SLC44A5: variants seen among roughly 807,000 people sequenced by gnomAD.
SLC44A5 encodes solute carrier family 44 member 5, also known as choline transporter-like protein 5.
SLC44A5 carries 57 observed loss-of-function variants against 101.8 expected under a neutral mutation model. That is an observed-to-expected ratio of 0.56 (90% CI 0.45 to 0.70). The LOEUF (loss-of-function observed/expected upper bound fraction) is 0.70, where lower values mean the gene tolerates loss of function less well. Among genes scored for constraint, SLC44A5 ranks in the 30% least tolerant of loss-of-function variants. The probability of loss-of-function intolerance (pLI) is 0.00; values close to 1 mark genes in which losing one functional copy is unlikely to be tolerated. For synonymous variants in SLC44A5, 281 were observed against 290.9 expected, an observed-to-expected ratio of 0.97 and a Z score of 0.35; for missense variants, 737 against 853.1, an observed-to-expected ratio of 0.86 and a Z score of 1.70.
At chr1:75,474,934 G>A (rs1469678615) in intron 2 of SLC44A5, among the ~76,000 whole-genome samples, 1 of 152,174 alleles carries the variant, frequency 6.6e-6, no homozygotes, top group Non-Finnish European at 1.5e-5. Context: ...TACTAAAATG[G>A]CCCTACTAAG....
At chr1:75,469,094 C>A (rs1164732276) in intron 2 of SLC44A5, among the ~76,000 whole-genome samples, 1 of 152,168 alleles carries the variant, frequency 6.6e-6, no homozygotes, top group Non-Finnish European at 1.5e-5. Context: ...ATGCCTTTTA[C>A]TCAACCCAAT....
At chr1:75,435,166 C>T (rs1664816236) in intron 2 of SLC44A5, among the ~76,000 whole-genome samples, 2 of 152,098 alleles carry the variant, frequency 1.3e-5, no homozygotes, top group Non-Finnish European at 2.9e-5. Context: ...CATATTTGGT[C>T]CAAAATACTT....
intron 2 of SLC44A5, among the ~76,000 whole-genome samples, chr1:75,525,727 G>A (rs1670371506): frequency 1.3e-5 from 2 of 152,066 alleles, no homozygotes. Context: ...GGTATAATAT[G>A]AATATAAAAT....
intron 5 of SLC44A5, among the ~76,000 whole-genome samples, chr1:75,282,477 G>A (rs1652683196): frequency 6.6e-6 from 1 of 152,136 alleles, no homozygotes; most frequent in African/African-American, 2.4e-5. Context: ...TGTTGGGAAG[G>A]CATAATTGTG....
intron 2 of SLC44A5, among the ~76,000 whole-genome samples, chr1:75,397,989 A>G (rs1662232027): frequency 6.6e-6 from 1 of 152,178 alleles, no homozygotes; most frequent in Non-Finnish European, 1.5e-5. Context: ...AAAAAGCTAA[A>G]TGAAGTGCCC....
At chr1:75,254,558 A>G (rs1367543549) in intron 6 of SLC44A5, among the ~76,000 whole-genome samples, 1 of 152,176 alleles carries the variant, frequency 6.6e-6, no homozygotes, top group Non-Finnish European at 1.5e-5. Context: ...TAATAAAAGT[A>G]CCAATAAATG....
At chr1:75,423,513 G>A (rs1463027218) in intron 2 of SLC44A5, among the ~76,000 whole-genome samples, 1 of 152,096 alleles carries the variant, frequency 6.6e-6, no homozygotes, top group African/African-American at 2.4e-5. Flanking sequence ...TTCCTAACTA[G>A]AGTCTATGAT....
chr1:75,225,916 G>T (rs1647184595), intron 13 of SLC44A5, among the ~76,000 whole-genome samples: 1 of 152,086 alleles, frequency 6.6e-6, no homozygotes, highest in African/African-American at 2.4e-5. Context: ...GACAGCCGGG[G>T]GTGGGCACAG....
At chr1:75,560,365 G>A (rs745399498) in intron 1 of SLC44A5, among the ~76,000 whole-genome samples, 2 of 152,094 alleles carry the variant, frequency 1.3e-5, no homozygotes, top group Admixed American at 6.6e-5. Flanking sequence ...TCTGAATAAA[G>A]TATCCAAAAT....
intron 1 of SLC44A5, among the ~76,000 whole-genome samples, chr1:75,568,335 C>G (rs976209466): frequency 6.6e-6 from 1 of 152,106 alleles, no homozygotes; most frequent in Admixed American, 6.5e-5. Context: ...AAACCCAACA[C>G]ATAACCTCCA....
At chr1:75,684,470 C>A in the SLC44A5 span, among the ~76,000 whole-genome samples, 1 of 152,174 alleles carries the variant, frequency 6.6e-6, no homozygotes, top group East Asian at 1.9e-4. Flanking sequence ...GAAATCAAAG[C>A]AAGTTAGTTA....
rs1669591565 is a variant in SLC44A5 at position 75,511,969 on chromosome 1, C to G, written c.13+29466G>C. Among the ~76,000 whole-genome samples the G allele has an allele frequency of 1.3e-5, 2 of 152,052 alleles. 1 individual carries two copies. The highest frequency in any genetic ancestry group is 4.8e-5 in the African/African-American group (2 of 41,390). On this transcript the variant is annotated intron_variant, in intron 2 of 23. Coordinates refer to ENST00000370859, the MANE Select transcript of SLC44A5 (RefSeq NM_001130058.2). ...AGAAGGGCTTACTGACTGCAGAAGGCCACGAAAAGTTATGTGGAGGGCTGT... is the reference window on the plus strand; with the variant it reads ...AGAAGGGCTTACTGACTGCAGAAGGGCACGAAAAGTTATGTGGAGGGCTGT...
At chr1:75,557,344 C>T (rs1309482751) in intron 1 of SLC44A5, among the ~76,000 whole-genome samples, 2 of 152,072 alleles carry the variant, frequency 1.3e-5, no homozygotes, top group East Asian at 1.9e-4. Flanking sequence ...TTTAGAGTAG[C>T]ATTATTTTCT....
At chr1:75,421,207 C>T (rs1169518327) in intron 2 of SLC44A5, among the ~76,000 whole-genome samples, 2 of 151,750 alleles carry the variant, frequency 1.3e-5, no homozygotes, top group South Asian at 2.1e-4. Context: ...AAAAATATAC[C>T]TAAAATCATG....
At chr1:75,482,722 G>A in intron 2 of SLC44A5, among the ~76,000 whole-genome samples, 1 of 152,178 alleles carries the variant, frequency 6.6e-6, no homozygotes, top group East Asian at 1.9e-4. Flanking sequence ...TATAGCAGAT[G>A]AAATGGAAGA....
At chr1:75,633,033 G>A in the SLC44A5 span, among the ~76,000 whole-genome samples, 1 of 152,102 alleles carries the variant, frequency 6.6e-6, no homozygotes, top group African/African-American at 2.4e-5. Context: ...AACTGGAAAA[G>A]CTATACACAC....
At chr1:75,441,035 C>T (rs1665167429) in intron 2 of SLC44A5, among the ~76,000 whole-genome samples, 1 of 151,828 alleles carries the variant, frequency 6.6e-6, no homozygotes, top group Non-Finnish European at 1.5e-5. Context: ...TGCAAAATAG[C>T]ATACATAACA....
chr1:75,375,198 A>C (rs1660497644), intron 3 of SLC44A5, among the ~76,000 whole-genome samples: 1 of 152,230 alleles, frequency 6.6e-6, no homozygotes, highest in African/African-American at 2.4e-5. Context: ...TCACTATAGA[A>C]ATTTCAAAAT....
intron 2 of SLC44A5, among the ~76,000 whole-genome samples, chr1:75,461,737 T>C (rs1666510202): frequency 6.6e-6 from 1 of 152,178 alleles, no homozygotes; most frequent in Non-Finnish European, 1.5e-5. Flanking sequence ...CACAATAAGC[T>C]GACTAAAAAG....
Sources: gnomAD v4.1 joint callset for allele counts (sites outside exome capture counted in the v4.1 genomes callset) on GRCh38, gnomAD v4.1.1 for gene constraint, MANE v1.5 for transcripts, NCBI Gene and HGNC (gene_info 2026-07-23, HGNC 2026-07-21) for gene names.